The following LINGO2 variants were observed in gnomAD, a reference collection of about 807,000 sequenced individuals.
LINGO2 encodes the protein leucine rich repeat and Ig domain containing 2, also known as leucine-rich repeat and immunoglobulin-like domain-containing nogo receptor-interacting protein 2.
A neutral mutation model predicts 30.6 loss-of-function variants in LINGO2; 14 were observed. That is an observed-to-expected ratio of 0.46 (90% CI 0.30 to 0.72). The LOEUF is 0.72. LINGO2 is among the 30% of genes least tolerant of loss of function. The probability of loss-of-function intolerance (pLI) is 0.07; values close to 1 mark genes in which losing one functional copy is unlikely to be tolerated. For synonymous variants in LINGO2, 317 were observed against 288.5 expected (o/e 1.10, Z -1.00); for missense variants, 729 against 751.7 (o/e 0.97, Z 0.35).
chr9:28,239,547 T>C (rs1821702359), intron 4 of LINGO2, among the ~76,000 whole-genome samples: 1 of 152,132 alleles, frequency 6.6e-6, no homozygotes, highest in African/African-American at 2.4e-5. Context: ...ATAGATCATT[T>C]CAAATGATGC....
At chr9:28,058,374 T>G (rs1310353931) in intron 4 of LINGO2, among the ~76,000 whole-genome samples, 1 of 152,176 alleles carries the variant, frequency 6.6e-6, no homozygotes, top group Non-Finnish European at 1.5e-5. Context: ...CACTCATATA[T>G]GGTCACTCAT....
intron 4 of LINGO2, among the ~76,000 whole-genome samples, chr9:28,293,435 A>G (rs1823810355): frequency 6.6e-6 from 1 of 152,056 alleles, no homozygotes; most frequent in African/African-American, 2.4e-5. Flanking sequence ...ATTTTTCTTT[A>G]TTCCCTTTGA....
chr9:29,037,835 A>T, the LINGO2 span, among the ~76,000 whole-genome samples: 2 of 152,046 alleles, frequency 1.3e-5, no homozygotes, highest in Admixed American at 6.6e-5. Flanking sequence ...ATTGTAAAAA[A>T]ATTAAACAAT....
the LINGO2 span, among the ~76,000 whole-genome samples, chr9:28,950,788 A>C: frequency 6.6e-6 from 1 of 152,216 alleles, no homozygotes; most frequent in Non-Finnish European, 1.5e-5. Context: ...AATGGATAGG[A>C]AGAATCAATA....
At chr9:28,306,691 C>T (rs1480750412) in intron 3 of LINGO2, among the ~76,000 whole-genome samples, 25 of 151,724 alleles carry the variant, frequency 1.6e-4, no homozygotes, top group African/African-American at 5.3e-4. Context: ...GCAAGACTAA[C>T]AAAGAAGAAA....
intron 3 of LINGO2, among the ~76,000 whole-genome samples, chr9:28,361,285 T>G (rs1325773581): frequency 6.6e-6 from 1 of 152,210 alleles, no homozygotes; most frequent in East Asian, 1.9e-4. Context: ...TAGTTATTGT[T>G]GTTCATCTTA....
At chr9:28,521,091 A>G (rs1820812991) in intron 1 of LINGO2, among the ~76,000 whole-genome samples, 1 of 152,222 alleles carries the variant, frequency 6.6e-6, no homozygotes, top group Admixed American at 6.5e-5. Flanking sequence ...AGAGCCTAAA[A>G]TTGGAGGGAA....
intron 1 of LINGO2, among the ~76,000 whole-genome samples, chr9:28,638,641 T>C (rs1380677474): frequency 1.3e-5 from 2 of 152,186 alleles, no homozygotes; most frequent in Non-Finnish European, 2.9e-5. Flanking sequence ...TGGTAGTTTG[T>C]ATTTCTGTGG....
At chr9:28,669,494 A>C (rs1256958223) in intron 1 of LINGO2, among the ~76,000 whole-genome samples, 1 of 152,068 alleles carries the variant, frequency 6.6e-6, no homozygotes, top group African/African-American at 2.4e-5. Context: ...AATTTCAGAT[A>C]GTAAAAAGAA....
At position 28,101,896 on chromosome 9, in the gene LINGO2, G is replaced by A. The variant is rs1408580823; in HGVS notation, c.-86-89491C>T. 2.6e-5 allele frequency among the ~76,000 whole-genome samples: 4 copies of A among 152,264 alleles called. 1 individual carries two copies. The South Asian group carries it at 8.3e-4, about 32-fold the overall frequency. The stretch of plus-strand genomic sequence containing the variant: ...AACAGTCAACCTTGATAACTCACTT[G>A]TTTTCCCTGGGATAATTTATTTTGA... On this transcript the variant is annotated intron_variant, in intron 4 of 5. Transcript: ENST00000379992.
intron 1 of LINGO2, among the ~76,000 whole-genome samples, chr9:28,485,677 G>T (rs1285059629): frequency 6.6e-6 from 1 of 151,956 alleles, no homozygotes; most frequent in African/African-American, 2.4e-5. Flanking sequence ...AAATTATGTG[G>T]CCACAGCATG....
At chr9:29,019,855 C>G in the LINGO2 span, among the ~76,000 whole-genome samples, 1 of 152,112 alleles carries the variant, frequency 6.6e-6, no homozygotes, top group Non-Finnish European at 1.5e-5. Context: ...AAAGCTCAGT[C>G]TCTAGTACAA....
intron 3 of LINGO2, among the ~76,000 whole-genome samples, chr9:28,312,294 T>G (rs1824656970): frequency 6.6e-6 from 1 of 151,728 alleles, no homozygotes; most frequent in African/African-American, 2.4e-5. Context: ...TGACATAAGC[T>G]CAAATTTTTT....
intron 4 of LINGO2, among the ~76,000 whole-genome samples, chr9:28,161,810 A>G (rs1470845379): frequency 2.0e-5 from 3 of 152,024 alleles, no homozygotes; most frequent in Non-Finnish European, 4.4e-5. Context: ...TCGCCATTTC[A>G]TTTCATCTCG....
chr9:28,575,329 G>A (rs1329289431), intron 1 of LINGO2, among the ~76,000 whole-genome samples: 1 of 151,354 alleles, frequency 6.6e-6, no homozygotes, highest in Non-Finnish European at 1.5e-5. Context: ...AACCTCGGCG[G>A]CAGAGGTTGC....
At chr9:28,170,663 A>G (rs932092625) in intron 4 of LINGO2, among the ~76,000 whole-genome samples, 7 of 152,168 alleles carry the variant, frequency 4.6e-5, no homozygotes, top group African/African-American at 1.2e-4. Flanking sequence ...TCAGGGCTGC[A>G]TTCCTTCTTG....
intron 5 of LINGO2, among the ~76,000 whole-genome samples, chr9:27,978,878 A>T: frequency 6.6e-6 from 1 of 152,080 alleles, no homozygotes; most frequent in East Asian, 1.9e-4. Context: ...CTTTTGGACC[A>T]TCGGATTGAT....
the LINGO2 span, among the ~76,000 whole-genome samples, chr9:29,155,090 T>C: frequency 6.6e-6 from 1 of 152,210 alleles, no homozygotes; most frequent in African/African-American, 2.4e-5. Context: ...GGGACTTGCA[T>C]ACAATATTTT....
chr9:28,912,290 A>G, the LINGO2 span, among the ~76,000 whole-genome samples: 1 of 152,110 alleles, frequency 6.6e-6, no homozygotes, highest in Non-Finnish European at 1.5e-5. Context: ...AGTTCTATGA[A>G]AAACCTGTGC....
Sources: gnomAD v4.1 joint callset for allele counts (sites outside exome capture counted in the v4.1 genomes callset) on GRCh38, gnomAD v4.1.1 for gene constraint, MANE v1.5 for transcripts, NCBI Gene and HGNC (gene_info 2026-07-23, HGNC 2026-07-21) for gene names.